Variants in HS3ST1 observed in about 807,000 individuals in gnomAD.
HS3ST1 encodes the protein heparan sulfate-glucosamine 3-sulfotransferase 1.
In HS3ST1, 8 loss-of-function variants were observed where a neutral mutation model predicts 20.7. The observed-to-expected ratio is 0.39, with a 90% CI of 0.23 to 0.70. HS3ST1 has a LOEUF of 0.70. HS3ST1 is among the 30% of genes least tolerant of loss of function. HS3ST1 has a pLI of 0.46. For missense variants in HS3ST1, 436 were observed against 423.4 expected (o/e 1.03, Z -0.26); for synonymous variants, 205 against 190.4 (o/e 1.08, Z -0.63).
chr4:11,409,292 G>C (rs75741082), intron 1 of HS3ST1, among the ~76,000 whole-genome samples: 2,073 of 152,282 alleles, frequency 0.014, 23 homozygotes, highest in Middle Eastern at 0.031. Flanking sequence ...AGGGAGAGAT[G>C]ATTTGTCTCA....
At chr4:11,423,020 T>TTAA in intron 1 of HS3ST1, among the ~76,000 whole-genome samples, 1 of 6,102 alleles carries the variant, frequency 1.6e-4, no homozygotes, top group African/African-American at 8.1e-4. Flanking sequence ...CGAGACACCG[T>TTAA]CAAAAAAAAA....
intron 1 of HS3ST1, among the ~76,000 whole-genome samples, chr4:11,413,639 C>T (rs1352990928): frequency 1.3e-5 from 2 of 151,934 alleles, no homozygotes; most frequent in Non-Finnish European, 2.9e-5. Flanking sequence ...TGGGACCATG[C>T]AGGGTATAGG....
rs141543396 is a variant in HS3ST1, at chr4:11,399,717, T to C, written c.289A>G (p.Ser97Gly). The C allele has an allele frequency of 2.9e-4, 462 of 1,613,806 alleles. No individual in the cohort carries two copies. The highest frequency in any genetic ancestry group is 3.7e-4 in the Non-Finnish European group (437 of 1,180,038). ...CTGAGGTACCAGCCCAAGCCGTGGC[T>C]GTAATGCTCCTCCCAGTCGAAGAAG... The part of the protein sequence containing the change: ...VHFFDWEEHY[S>G]HGLGWYLSQM... The change falls in exon 2 of 2, where the codon AGC (serine) becomes GGC (glycine). Residue 97 changes from serine to glycine, a missense_variant. Coordinates refer to ENST00000002596, the MANE Select transcript of HS3ST1 (RefSeq NM_005114.4). This position sits in a 1 kb window ranked among gnomAD's most constrained non-coding sequence, Gnocchi z 5.1.
upstream of HS3ST1, among the ~76,000 whole-genome samples, chr4:11,431,985 C>T (rs1042895151): frequency 6.6e-6 from 1 of 152,146 alleles, no homozygotes; most frequent in African/African-American, 2.4e-5. Flanking sequence ...GCCCAGACTT[C>T]CCTATTTTAT....
intron 1 of HS3ST1, among the ~76,000 whole-genome samples, chr4:11,409,297 G>T (rs933060822): frequency 6.6e-6 from 1 of 152,160 alleles, no homozygotes; most frequent in Non-Finnish European, 1.5e-5. Context: ...GAGATGATTT[G>T]TCTCATTTCT....
intron 1 of HS3ST1, among the ~76,000 whole-genome samples, chr4:11,415,677 A>G (rs569803750): frequency 2.0e-5 from 3 of 152,354 alleles, no homozygotes; most frequent in African/African-American, 7.2e-5. Context: ...CAGATGACAA[A>G]GAAAAAGCAG....
At chr4:11,419,039 G>A (rs897774939) in intron 1 of HS3ST1, among the ~76,000 whole-genome samples, 1 of 151,890 alleles carries the variant, frequency 6.6e-6, no homozygotes, top group African/African-American at 2.4e-5. Context: ...TTTACTCAGG[G>A]GCTGCTGAAG....
At position 11,395,235 on chromosome 4, in the gene HS3ST1, C is replaced by T. The variant is rs1250475585; in HGVS notation, c.*3847G>A. ...ACAGGAAGGTCAGGGTCTCTGTGGCCCACAAGTTAAGTGACCTGCCCTGAC... is the reference window on the plus strand; with the variant it reads ...ACAGGAAGGTCAGGGTCTCTGTGGCTCACAAGTTAAGTGACCTGCCCTGAC... On this transcript the variant is annotated 3_prime_UTR_variant, in exon 2 of 2. Coordinates refer to ENST00000002596, the MANE Select transcript of HS3ST1 (RefSeq NM_005114.4). 2 of 152,152 alleles carry T rather than the reference C, an allele frequency of 1.3e-5. No individual in the cohort carries two copies. Among genetic ancestry groups the T allele is most frequent in the East Asian group, 3.9e-4 (2 of 5,172 alleles). The allele number at this position is 152,152 out of a possible 1,614,324, so 9.4% of individuals were successfully genotyped here.
chr4:11,430,334 G>A (rs971095944), upstream of HS3ST1, among the ~76,000 whole-genome samples: 5 of 152,064 alleles, frequency 3.3e-5, no homozygotes, highest in Non-Finnish European at 7.4e-5. Context: ...TGACTTTAAA[G>A]GCCCACTTTG....
At chr4:11,421,522 G>A (rs1015071751) in intron 1 of HS3ST1, among the ~76,000 whole-genome samples, 2 of 152,158 alleles carry the variant, frequency 1.3e-5, no homozygotes, top group African/African-American at 2.4e-5. Flanking sequence ...AGCTGCAGCC[G>A]AAATCACCTT....
rs1288215882 is a variant in HS3ST1, at chr4:11,395,864, C to G, written c.*3218G>C. 6 of 152,144 alleles carry G rather than the reference C, an allele frequency of 3.9e-5. No individual in the cohort carries two copies. The highest frequency in any genetic ancestry group is 5.9e-5 in the Non-Finnish European group (4 of 68,052). The allele number at this position is 152,144 out of a possible 1,614,324, so 9.4% of individuals were successfully genotyped here. A position where few individuals can be genotyped will look rare whatever the true frequency, so the allele number is the denominator to read the frequency against. The stretch of plus-strand genomic sequence containing the variant: ...AATGTTGCTGAACTGAATGCCAAAC[C>G]ATGGAACACATTCCCCCACCCATTC... On this transcript the variant is annotated 3_prime_UTR_variant, in exon 2 of 2. Transcript: ENST00000002596.
At chr4:11,406,339 C>G (rs1718464361) in intron 1 of HS3ST1, among the ~76,000 whole-genome samples, 1 of 152,218 alleles carries the variant, frequency 6.6e-6, no homozygotes, top group African/African-American at 2.4e-5. Flanking sequence ...TTACTGCTAA[C>G]TGACCTCAGT....
intron 1 of HS3ST1, among the ~76,000 whole-genome samples, chr4:11,415,979 G>A (rs1392888439): frequency 6.6e-6 from 1 of 152,180 alleles, no homozygotes; most frequent in Non-Finnish European, 1.5e-5. Flanking sequence ...GGCTGCTCCA[G>A]TACGCCTGGA....
intron 1 of HS3ST1, among the ~76,000 whole-genome samples, chr4:11,413,693 A>G (rs1269502649): frequency 1.3e-5 from 2 of 152,072 alleles, no homozygotes; most frequent in Non-Finnish European, 2.9e-5. Context: ...AAACAAAACA[A>G]AAACAGCCAT....
upstream of HS3ST1, chr4:11,429,760 G>C (rs1406899023): frequency 6.7e-6 from 1 of 148,576 alleles, no homozygotes; most frequent in Non-Finnish European, 1.5e-5. Flanking sequence ...GAAGCTGGGA[G>C]GTTCTGTGGG....
Position 11,394,965 on chromosome 4 carries a change from G to T in HS3ST1, c.*4117C>A, listed in dbSNP as rs556460925. 1 of 152,256 alleles carries T rather than the reference G, an allele frequency of 6.6e-6. No homozygotes were observed. Among genetic ancestry groups the T allele is most frequent in the South Asian group, 2.1e-4 (1 of 4,820 alleles). 9.4% of individuals were successfully genotyped at this position (152,256 alleles called of 1,614,324 possible). Reference sequence around the variant, plus strand: ...CTGCACAGGAGCCAAATTCACATGGGTGCCTGCTAAGTAAGCTTCCAACAC... The same window carrying T: ...CTGCACAGGAGCCAAATTCACATGGTTGCCTGCTAAGTAAGCTTCCAACAC... On this transcript the variant is annotated 3_prime_UTR_variant, in exon 2 of 2. Coordinates refer to ENST00000002596, the MANE Select transcript of HS3ST1 (RefSeq NM_005114.4).
At chr4:11,417,128 A>G (rs1468014491) in intron 1 of HS3ST1, among the ~76,000 whole-genome samples, 1 of 152,306 alleles carries the variant, frequency 6.6e-6, no homozygotes, top group East Asian at 1.9e-4. Flanking sequence ...GAATTTTGGT[A>G]CTACTTTCAT....
intron 1 of HS3ST1, among the ~76,000 whole-genome samples, chr4:11,410,754 T>C (rs1718603901): frequency 6.6e-6 from 1 of 152,048 alleles, no homozygotes; most frequent in African/African-American, 2.4e-5. Context: ...TAGCCAGGCG[T>C]GGTGGCACAC....
chr4:11,433,879 A>G (rs76105659), upstream of HS3ST1, among the ~76,000 whole-genome samples: 526 of 152,344 alleles, frequency 3.5e-3, 1 homozygote, highest in African/African-American at 0.012. Flanking sequence ...ATGAGTCCCT[A>G]GTTCCATTTG....
Sources: allele counts gnomAD v4.1 joint callset (sites outside exome capture counted in the v4.1 genomes callset), GRCh38; gene constraint gnomAD v4.1.1; non-coding constraint Gnocchi (gnomAD v3.1); transcripts MANE v1.5; gene names NCBI Gene and HGNC (gene_info 2026-07-23, HGNC 2026-07-21).